The following UGGT1 variants were observed in gnomAD, a reference collection of about 807,000 sequenced individuals.
The protein encoded by UGGT1 is UDP-glucose glycoprotein glucosyltransferase 1.
A neutral mutation model predicts 203.9 loss-of-function variants in UGGT1; 107 were observed. The ratio of observed to expected loss-of-function variants is 0.52; its 90% CI spans 0.45 to 0.62. UGGT1 has a LOEUF of 0.62. Ranked by LOEUF, UGGT1 falls within the 20% of genes least tolerant of loss-of-function variation. The pLI is 0.00. For synonymous variants in UGGT1, 628 were observed against 653.5 expected (o/e 0.96, Z 0.59); for missense variants, 1,673 against 1,867.2 (o/e 0.90, Z 1.92).
intron 2 of UGGT1, among the ~76,000 whole-genome samples, chr2:128,102,493 A>G (rs1426857974): frequency 6.6e-6 from 1 of 152,146 alleles, no homozygotes; most frequent in Non-Finnish European, 1.5e-5. Context: ...ATAAGAAGCT[A>G]AAAAAACAAA....
chr2:128,187,523 C>G lies in UGGT1; in HGVS notation c.4551C>G (p.Asp1517Glu), dbSNP rs1276811495. The G allele has an allele frequency of 6.2e-7, 1 of 1,613,998 alleles. No homozygotes were observed. The highest frequency in any genetic ancestry group is 8.5e-7 in the Non-Finnish European group (1 of 1,180,000). Residue 1517 changes from aspartate (D) to glutamate (E), a missense_variant, in exon 40 of 41, where the codon GAC becomes GAG. By Grantham distance (45) the Asp-to-Glu change is conservative. This residue lies in a region of UGGT1 where 513 missense variants were observed against 684.1 expected (regional missense o/e 0.75). Coordinates refer to ENST00000259253, the MANE Select transcript of UGGT1 (RefSeq NM_020120.4). ...TTGTCCCGGAGTGGCAGGACTACGA[C>G]CAAGAGATCAAACAGCTACAGATCC... ...VRIVPEWQDYDQEIKQLQIRF... is the reference protein window; with the variant it reads ...VRIVPEWQDYEQEIKQLQIRF...
chr2:128,138,871 T>C lies in UGGT1; in HGVS notation c.1719+19T>C. ...GACACATGTACGTTTTTGTTCAGAATGGCAAATAATTTTTTCAGATCTAAC... is the reference window on the plus strand; with the variant it reads ...GACACATGTACGTTTTTGTTCAGAACGGCAAATAATTTTTTCAGATCTAAC... On this transcript the variant is annotated intron_variant, in intron 16 of 40. Transcript: ENST00000259253. 1 of 1,611,380 alleles carries C rather than the reference T, an allele frequency of 6.2e-7. No homozygotes were observed. The highest frequency in any genetic ancestry group is 1.1e-5 in the South Asian group (1 of 90,296).
chr2:128,140,631 A>G (rs923200255), intron 16 of UGGT1: 3 of 152,322 alleles, frequency 2.0e-5, no homozygotes, highest in Admixed American at 6.5e-5. Context: ...GCAGAGCCAC[A>G]GCACAACAGG....
intron 4 of UGGT1, 126 bp from the exon 5 acceptor site, chr2:128,109,508 T>C: frequency 1.3e-6 from 1 of 757,404 alleles, no homozygotes; most frequent in Non-Finnish European, 2.2e-6. Flanking sequence ...AGGCACGAGC[T>C]ACCACACTCA....
intron 37 of UGGT1, among the ~76,000 whole-genome samples, chr2:128,182,792 A>G (rs1043425495): frequency 5.3e-5 from 8 of 151,112 alleles, no homozygotes; most frequent in Admixed American, 6.6e-5. Context: ...TAACCTCCCA[A>G]CTTATTGACT....
intron 15 of UGGT1, among the ~76,000 whole-genome samples, chr2:128,137,657 G>A (rs1255479570): frequency 6.6e-6 from 1 of 152,120 alleles, no homozygotes; most frequent in South Asian, 2.1e-4. Flanking sequence ...CTCTGCTATC[G>A]TCTGGGAATT....
At chr2:128,138,941 G>A (rs1390583906) in intron 16 of UGGT1, 89 bp downstream of exon 16, 1 of 1,540,974 alleles carries the variant, frequency 6.5e-7, no homozygotes, top group Non-Finnish European at 8.8e-7. Context: ...TAGGCAGCTG[G>A]GGTGTATAGA....
chr2:128,121,405 C>CT (rs10636999), intron 10 of UGGT1, 107 bp downstream of exon 10: 170,325 of 450,116 alleles, frequency 0.38, 14,760 homozygotes, highest in Non-Finnish European at 0.41. Flanking sequence ...AATTAAGATT[C>CT]TTTTTTTTTT....
intron 25 of UGGT1, among the ~76,000 whole-genome samples, chr2:128,164,456 T>C (rs1690682116): frequency 1.3e-5 from 2 of 152,228 alleles, no homozygotes; most frequent in Non-Finnish European, 2.9e-5. Context: ...CAGCCTGTAA[T>C]GGGCCAGGGC....
intron 1 of UGGT1, among the ~76,000 whole-genome samples, chr2:128,094,647 G>A (rs926311988): frequency 2.6e-5 from 4 of 151,012 alleles, no homozygotes; most frequent in Non-Finnish European, 4.4e-5. Flanking sequence ...TTTACAAACC[G>A]TGTCTATTGT....
At chr2:128,131,660 G>T (rs542563707) in intron 13 of UGGT1, among the ~76,000 whole-genome samples, 4 of 151,820 alleles carry the variant, frequency 2.6e-5, no homozygotes, top group Admixed American at 2.6e-4. Context: ...TTGCAGTCTC[G>T]CTCTCTTGCC....
chr2:128,103,791 T>C (rs1687487091), intron 2 of UGGT1, 141 bp from the exon 3 acceptor site: 1 of 346,308 alleles, frequency 2.9e-6, no homozygotes, highest in African/African-American at 2.2e-5. Flanking sequence ...ATATTATACA[T>C]AAAAGAGTAT....
At chr2:128,143,382 A>T (rs1689532647) in intron 17 of UGGT1, among the ~76,000 whole-genome samples, 157 bp downstream of exon 17, 1 of 152,210 alleles carries the variant, frequency 6.6e-6, no homozygotes, top group Non-Finnish European at 1.5e-5. Flanking sequence ...AGTGTTTGAA[A>T]AAGTTTTTAT....
intron 4 of UGGT1, among the ~76,000 whole-genome samples, chr2:128,108,917 T>G (rs1230332655): frequency 1.3e-5 from 2 of 152,162 alleles, no homozygotes; most frequent in East Asian, 1.9e-4. Flanking sequence ...TTTTTCATTT[T>G]TCTTTATTTT....
chr2:128,097,671 A>G lies in UGGT1; in HGVS notation c.194+107A>G, dbSNP rs146194747. The G allele has an allele frequency of 2.2e-3, 3,023 of 1,371,960 alleles. 8 individuals carry two copies. Among genetic ancestry groups the G allele is most frequent in the Middle Eastern group, 4.3e-3 (19 of 4,400 alleles). The allele number at this position is 1,371,960 out of a possible 1,614,324, so 85.0% of individuals were successfully genotyped here. ...AGTGAGATTATCATCAAATGCATTT[A>G]TGAAGAGCCTCTTTCAGTGTATACT... On this transcript the variant is annotated intron_variant, in intron 2 of 40. Coordinates refer to ENST00000259253, the MANE Select transcript of UGGT1 (RefSeq NM_020120.4).
intron 40 of UGGT1, among the ~76,000 whole-genome samples, chr2:128,188,092 C>G (rs148379887): frequency 0.014 from 2,155 of 150,458 alleles, 35 homozygotes; most frequent in Admixed American, 0.025. Flanking sequence ...ATGATCTTGG[C>G]TCACTGCAGC....
intron 12 of UGGT1, 22 bp from the exon 13 acceptor site, chr2:128,129,005 ATC>A (rs745346070): frequency 1.7e-5 from 25 of 1,506,180 alleles, no homozygotes; most frequent in Non-Finnish European, 2.1e-5. Context: ...CCTAGTAAAT[ATC>A]TCTTTTTGTT....
chr2:128,133,881 G>A (rs1359720042), intron 14 of UGGT1, among the ~76,000 whole-genome samples: 1 of 152,082 alleles, frequency 6.6e-6, no homozygotes, highest in African/African-American at 2.4e-5. Context: ...GAGAGAGAGA[G>A]AGAGGGTTCT....
At chr2:128,172,860 A>G (rs995347159) in intron 29 of UGGT1, 98 bp downstream of exon 29, 9 of 1,177,360 alleles carry the variant, frequency 7.6e-6, no homozygotes, top group Admixed American at 2.5e-5. Context: ...GTGTTCAGGT[A>G]TGATATTTTT....
Sources: gnomAD v4.1 joint callset for allele counts (sites outside exome capture counted in the v4.1 genomes callset) on GRCh38, gnomAD v4.1.1 for gene constraint, gnomAD v4.1.1 regional missense constraint, MANE v1.5 for transcripts, NCBI Gene and HGNC (gene_info 2026-07-23, HGNC 2026-07-21) for gene names.